The following PRKN variants were observed in gnomAD, a reference collection of about 807,000 sequenced individuals.
PRKN encodes the protein parkin RBR E3 ubiquitin protein ligase, also known as E3 ubiquitin-protein ligase parkin.
In PRKN, 56 loss-of-function variants were observed where a neutral mutation model predicts 59.5. The observed-to-expected ratio is 0.94, with a 90% confidence interval of 0.76 to 1.18. PRKN has a LOEUF of 1.18. PRKN is among the 50% of genes most tolerant of loss of function. The probability of loss-of-function intolerance (pLI) is 0.00; values close to 1 mark genes in which losing one functional copy is unlikely to be tolerated. For synonymous variants in PRKN, 250 were observed against 222.1 expected, an observed-to-expected ratio of 1.13 and a Z score of -1.12; for missense variants, 657 against 596.4, an observed-to-expected ratio of 1.10 and a Z score of -1.06.
intron 3 of PRKN, among the ~76,000 whole-genome samples, chr6:162,248,800 G>A (rs1255429507): frequency 1.3e-5 from 2 of 151,922 alleles, no homozygotes; most frequent in Non-Finnish European, 2.9e-5. Context: ...TGCATTTAAT[G>A]TTAATTTTTA....
intron 5 of PRKN, among the ~76,000 whole-genome samples, chr6:161,989,424 C>T (rs929636807): frequency 2.6e-5 from 4 of 152,056 alleles, no homozygotes; most frequent in African/African-American, 9.7e-5. Context: ...TGGGGGTCAA[C>T]CTACCATACC....
chr6:162,726,541 C>G (rs954817075), intron 1 of PRKN, among the ~76,000 whole-genome samples: 2 of 152,270 alleles, frequency 1.3e-5, no homozygotes, highest in East Asian at 3.9e-4. Flanking sequence ...AAAGACCATG[C>G]CAGTTAGCTG....
chr6:161,718,915 G>A (rs113315227), intron 7 of PRKN, among the ~76,000 whole-genome samples: 3,193 of 152,166 alleles, frequency 0.021, 120 homozygotes, highest in African/African-American at 0.073. Context: ...GGGCTTTAGC[G>A]GCATCTCACA....
intron 2 of PRKN, among the ~76,000 whole-genome samples, chr6:162,441,063 T>A (rs141923714): frequency 6.6e-5 from 10 of 152,254 alleles, no homozygotes; most frequent in Non-Finnish European, 1.5e-4. Context: ...AGAAGTTCCA[T>A]AAGTATGAAC....
chr6:162,253,043 C>T (rs1779499786), intron 3 of PRKN, among the ~76,000 whole-genome samples: 1 of 152,210 alleles, frequency 6.6e-6, no homozygotes, highest in African/African-American at 2.4e-5. Flanking sequence ...CTACCACCTG[C>T]GTGTGCTATT....
chr6:162,300,055 C>G (rs555056758), intron 2 of PRKN, among the ~76,000 whole-genome samples: 1 of 152,108 alleles, frequency 6.6e-6, no homozygotes, highest in Non-Finnish European at 1.5e-5. Context: ...CAAAAATGTA[C>G]TGAACACGTG....
rs116869106 is a variant in PRKN at position 161,574,645 on chromosome 6, G to A, written c.872-5229C>T. 2.0e-4 allele frequency among the ~76,000 whole-genome samples: 30 copies of A among 152,124 alleles called. 1 individual carries two copies. The East Asian group carries it at 5.6e-3, about 28-fold the overall frequency. ...TCTGAAAAGTTAAAAAATCATCTCC[G>A]GAACTCTGAACTCTTTATTGTATCT... On this transcript the variant is annotated intron_variant, in intron 7 of 11. Transcript: ENST00000366898.
At chr6:162,445,790 A>T (rs2128168749) in intron 1 of PRKN, among the ~76,000 whole-genome samples, 1 of 151,072 alleles carries the variant, frequency 6.6e-6, no homozygotes, top group African/African-American at 2.4e-5. Flanking sequence ...GACATAAATC[A>T]GATATTCCCT....
Position 162,510,402 on chromosome 6 carries a change from C to T in PRKN, c.8-66929G>A, listed in dbSNP as rs111651051. On this transcript the variant is annotated intron_variant, in intron 1 of 11. Transcript: ENST00000366898. ...AGGTGCTTTCTCACGTGTGAGAGGG[C>T]GACACTCCTAGGTAAGTCTGGCCAC... Among the ~76,000 whole-genome samples the T allele has an allele frequency of 5.0e-3, 767 of 152,154 alleles. 2 individuals carry two copies. The highest frequency in any genetic ancestry group is 8.7e-3 in the Non-Finnish European group (593 of 68,006).
chr6:162,106,399 C>CTT (rs11398715), intron 4 of PRKN, among the ~76,000 whole-genome samples: 172 of 144,382 alleles, frequency 1.2e-3, no homozygotes, highest in East Asian at 4.8e-3. Context: ...GAGTGAATTC[C>CTT]TTTTTTTTTT....
At chr6:161,559,049 T>TAAAAAAAAAAAAAAAAAAAACAAAA (rs3032921) in intron 8 of PRKN, among the ~76,000 whole-genome samples, 1 of 117,278 alleles carries the variant, frequency 8.5e-6, no homozygotes, top group African/African-American at 3.1e-5. Context: ...AAACAAGACC[T>TAAAAAAAAAAAAAAAAAAAACAAAA]AAAAAAAAAA....
rs547833775 is a variant in PRKN at position 161,897,833 on chromosome 6, G to A, written c.734+75469C>T. On this transcript the variant is annotated intron_variant, in intron 6 of 11. Coordinates refer to ENST00000366898, the MANE Select transcript of PRKN (RefSeq NM_004562.3). ...AAATACAAAAAGTTCCGGGCGTAGTGGCGGGCGCCTGTAGTCCCAGCTACT... is the reference window on the plus strand; with the variant it reads ...AAATACAAAAAGTTCCGGGCGTAGTAGCGGGCGCCTGTAGTCCCAGCTACT... Among the ~76,000 whole-genome samples, 246 of 150,786 alleles carry A rather than the reference G, an allele frequency of 1.6e-3. 1 individual carries two copies. The highest frequency in any genetic ancestry group is 2.8e-3 in the Non-Finnish European group (191 of 67,526).
intron 4 of PRKN, among the ~76,000 whole-genome samples, chr6:162,187,998 GT>G (rs1389507904): frequency 2.0e-5 from 3 of 152,070 alleles, no homozygotes; most frequent in African/African-American, 7.2e-5. Flanking sequence ...ATGGGGGTGG[GT>G]TTTTCCTGCA....
chr6:161,552,639 A>G lies in PRKN; in HGVS notation c.934-3636T>C, dbSNP rs34946635. Among the ~76,000 whole-genome samples, 25,997 of 151,790 alleles carry G rather than the reference A, an allele frequency of 0.17. 2,545 individuals carry two copies. Among genetic ancestry groups the G allele is most frequent in the Middle Eastern group, 0.28 (82 of 294 alleles). On this transcript the variant is annotated intron_variant, in intron 8 of 11. Transcript: ENST00000366898. This position sits in a 1 kb window ranked among gnomAD's most constrained non-coding sequence, Gnocchi z 4.9. ...TTTATTGTAAATATCACATAGAATA[A>G]GCTTAATACATTATAAAGTGACCAA...
intron 7 of PRKN, among the ~76,000 whole-genome samples, chr6:161,745,503 C>T (rs1027135334): frequency 1.3e-5 from 2 of 152,202 alleles, no homozygotes; most frequent in Non-Finnish European, 2.9e-5. Flanking sequence ...AAGCATGCCA[C>T]ACCTGCGACC....
At chr6:161,957,378 T>C (rs552401045) in intron 6 of PRKN, among the ~76,000 whole-genome samples, 1 of 151,884 alleles carries the variant, frequency 6.6e-6, no homozygotes, top group East Asian at 1.9e-4. Context: ...TGCAAATCCA[T>C]GTCTGTTTTT....
intron 4 of PRKN, among the ~76,000 whole-genome samples, chr6:162,110,431 A>C (rs1184004297): frequency 6.6e-6 from 1 of 152,244 alleles, no homozygotes; most frequent in Non-Finnish European, 1.5e-5. Context: ...CAATGTGGAC[A>C]TATCAAAACT....
In PRKN at chr6:161,457,602, T is replaced by G. The variant is rs1186622998; in HGVS notation, c.1084-70725A>C. On this transcript the variant is annotated intron_variant, in intron 9 of 11. Coordinates refer to ENST00000366898, the MANE Select transcript of PRKN (RefSeq NM_004562.3). This position sits in a 1 kb window ranked among gnomAD's most constrained non-coding sequence, Gnocchi z 5.0. ...AGGATGAATGGATGCATGAATGAAT[T>G]AATGAATGCTCTGTGATCTGAGGGC... 6.6e-6 allele frequency among the ~76,000 whole-genome samples: 1 copy of G among 152,206 alleles called. No individual in the cohort carries two copies. The highest frequency in any genetic ancestry group is 1.5e-5 in the Non-Finnish European group (1 of 68,032).
chr6:162,139,272 C>T (rs1483242106), intron 4 of PRKN, among the ~76,000 whole-genome samples: 1 of 152,114 alleles, frequency 6.6e-6, no homozygotes, highest in Non-Finnish European at 1.5e-5. Flanking sequence ...CACTAACACG[C>T]CTTAATTAAC....
Sources: allele counts gnomAD v4.1 joint callset (sites outside exome capture counted in the v4.1 genomes callset), GRCh38; gene constraint gnomAD v4.1.1; non-coding constraint Gnocchi (gnomAD v3.1); transcripts MANE v1.5; gene names NCBI Gene and HGNC (gene_info 2026-07-23, HGNC 2026-07-21).